APBB2: variants seen among roughly 807,000 people sequenced by gnomAD.
APBB2 encodes the protein Fe65-like 1.
Under a neutral mutation model 82.5 loss-of-function variants are expected in APBB2, and 38 were observed. That is an observed-to-expected ratio of 0.46 (90% confidence interval 0.36 to 0.60). The LOEUF (loss-of-function observed/expected upper bound fraction) is 0.60, where lower values mean the gene tolerates loss of function less well. Among genes scored for constraint, APBB2 ranks in the 20% least tolerant of loss-of-function variants. APBB2 has a pLI of 0.00. For missense variants in APBB2, 772 were observed against 972.3 expected (o/e 0.79, Z 2.74); for synonymous variants, 341 against 368.2 (o/e 0.93, Z 0.85).
intron 1 of APBB2, among the ~76,000 whole-genome samples, chr4:41,206,055 C>T (rs532671017): frequency 2.6e-5 from 4 of 152,182 alleles, no homozygotes; most frequent in South Asian, 4.2e-4. Flanking sequence ...GTCACCATGA[C>T]CAAAATGTCA....
At chr4:40,982,397 A>AAGGG (rs1560449287) in intron 6 of APBB2, among the ~76,000 whole-genome samples, 1 of 41,064 alleles carries the variant, frequency 2.4e-5, no homozygotes, top group Non-Finnish European at 5.2e-5. Context: ...GAAGGAAAGG[A>AAGGG]AAGGAAAGAA....
At chr4:41,134,121 C>T (rs113866444) in intron 2 of APBB2, among the ~76,000 whole-genome samples, 18 of 152,254 alleles carry the variant, frequency 1.2e-4, no homozygotes, top group African/African-American at 4.3e-4. Flanking sequence ...TAGGCATGTG[C>T]CACCATACCT....
At chr4:41,049,112 G>A (rs558037265) in intron 4 of APBB2, among the ~76,000 whole-genome samples, 1 of 150,816 alleles carries the variant, frequency 6.6e-6, no homozygotes, top group Non-Finnish European at 1.5e-5. Context: ...GAGCGTCTCT[G>A]CCTGGCCGCC....
chr4:41,107,076 A>C (rs1747534353), intron 2 of APBB2, among the ~76,000 whole-genome samples: 1 of 152,142 alleles, frequency 6.6e-6, no homozygotes, highest in Non-Finnish European at 1.5e-5. Flanking sequence ...CTGGGAGGCC[A>C]AGGCAGGCAG....
intron 6 of APBB2, among the ~76,000 whole-genome samples, chr4:40,946,142 G>T (rs1788319171): frequency 6.8e-6 from 1 of 147,784 alleles, no homozygotes; most frequent in South Asian, 2.1e-4. Flanking sequence ...GGAGGCAGGA[G>T]AAACGCTTCA....
intron 1 of APBB2, among the ~76,000 whole-genome samples, chr4:41,156,092 A>T (rs929903700): frequency 1.4e-5 from 2 of 143,408 alleles, no homozygotes; most frequent in Non-Finnish European, 3.1e-5. Flanking sequence ...TCAGAGACTT[A>T]AAAAAAAAAA....
At chr4:40,882,925 G>A (rs1769074629) in intron 12 of APBB2, among the ~76,000 whole-genome samples, 3 of 152,236 alleles carry the variant, frequency 2.0e-5, no homozygotes, top group Admixed American at 2.0e-4. Context: ...CTTTGCAGCT[G>A]AGTGTGGCCA....
At chr4:40,927,580 C>G (rs1033866594) in intron 10 of APBB2, among the ~76,000 whole-genome samples, 1 of 152,112 alleles carries the variant, frequency 6.6e-6, no homozygotes, top group African/African-American at 2.4e-5. Context: ...TCCTTGGGCT[C>G]GAGTGATCTT....
At chr4:41,032,815 C>A (rs1215405599) in intron 5 of APBB2, among the ~76,000 whole-genome samples, 5 of 81,074 alleles carry the variant, frequency 6.2e-5, no homozygotes, top group East Asian at 4.5e-4. Flanking sequence ...GACGGAGTTT[C>A]GCTCTGTCGC....
rs11421268 is a variant in APBB2, at chr4:41,032,778, C to CTTTTTTTTTTTT, written c.19+446_19+457dup. On this transcript the variant is annotated intron_variant, in intron 5 of 17. Coordinates refer to ENST00000508593, the MANE Select transcript of APBB2 (RefSeq NM_004307.2). ...TGATTTTAAAGATTCATTTTTCTTT[C>CTTTTTTTTTTTT]TTTTTTTTTTTTTTTTTTTTTTTTG... is the stretch of plus-strand genomic sequence containing the variant. 1.5e-3 allele frequency among the ~76,000 whole-genome samples: 130 copies of CTTTTTTTTTTTT among 84,310 alleles called. 2 individuals carry two copies. Among genetic ancestry groups the CTTTTTTTTTTTT allele is most frequent in the African/African-American group, 2.2e-3 (47 of 21,308 alleles). 55.3% of individuals were successfully genotyped at this position (84,310 alleles called of 152,430 possible).
chr4:41,145,465 T>A (rs1760458769), intron 1 of APBB2, among the ~76,000 whole-genome samples: 2 of 152,178 alleles, frequency 1.3e-5, no homozygotes, highest in Admixed American at 6.5e-5. Flanking sequence ...CGTGCAGGTA[T>A]TAAATTCATA....
intron 17 of APBB2, 106 bp from the exon 18 acceptor site, chr4:40,816,365 G>A (rs1214305789): frequency 7.0e-6 from 8 of 1,150,446 alleles, no homozygotes; most frequent in Middle Eastern, 2.6e-4. Context: ...AAAGGTTAAC[G>A]ACCTAGTTCC....
chr4:41,087,884 C>T (rs1023254102), intron 3 of APBB2, among the ~76,000 whole-genome samples: 4 of 152,140 alleles, frequency 2.6e-5, no homozygotes, highest in East Asian at 1.9e-4. Flanking sequence ...ACCAAGACAG[C>T]GGTATAATAC....
intron 6 of APBB2, among the ~76,000 whole-genome samples, chr4:40,994,814 A>AG (rs1465558717): frequency 1.1e-4 from 17 of 151,398 alleles, no homozygotes; most frequent in Non-Finnish European, 2.2e-4. Context: ...GACTCCGGAA[A>AG]AAAAAAAAAA....
chr4:40,933,145 T>TAC (rs1784618077), intron 10 of APBB2, among the ~76,000 whole-genome samples: 1 of 152,238 alleles, frequency 6.6e-6, no homozygotes, highest in African/African-American at 2.4e-5. Context: ...ATTACAGGCG[T>TAC]AAGGCACCAC....
intron 2 of APBB2, among the ~76,000 whole-genome samples, chr4:41,108,023 T>C (rs187752405): frequency 1.2e-4 from 18 of 152,338 alleles, no homozygotes; most frequent in African/African-American, 4.3e-4. Context: ...GATCATCTTA[T>C]TATAGGCTAT....
intron 6 of APBB2, among the ~76,000 whole-genome samples, chr4:40,952,998 T>TA (rs1790621874): frequency 6.6e-6 from 1 of 152,108 alleles, no homozygotes; most frequent in African/African-American, 2.4e-5. Flanking sequence ...TGTCCTCATA[T>TA]AAAAATGGAT....
chr4:41,211,331 T>C (rs995526904), intron 1 of APBB2, among the ~76,000 whole-genome samples: 1 of 151,894 alleles, frequency 6.6e-6, no homozygotes, highest in African/African-American at 2.4e-5. Flanking sequence ...AAAATAAGTA[T>C]TCCCCCCATA....
intron 12 of APBB2, among the ~76,000 whole-genome samples, chr4:40,869,853 T>G (rs1309170590): frequency 6.6e-6 from 1 of 151,994 alleles, no homozygotes; most frequent in Admixed American, 6.6e-5. Flanking sequence ...ACCTAGTATT[T>G]AGTAAATATT....
Sources: gnomAD v4.1 joint callset for allele counts (sites outside exome capture counted in the v4.1 genomes callset) on GRCh38, gnomAD v4.1.1 for gene constraint, MANE v1.5 for transcripts, NCBI Gene and HGNC (gene_info 2026-07-23, HGNC 2026-07-21) for gene names.